POLK: variants seen among roughly 807,000 people sequenced by gnomAD.
POLK encodes the protein polymerase (DNA directed) kappa.
POLK carries 76 observed loss-of-function variants against 94.0 expected under a neutral mutation model. The ratio of observed to expected loss-of-function variants is 0.81; its 90% CI spans 0.67 to 0.98. The LOEUF is 0.98. Ranked by LOEUF, POLK falls within the 50% of genes least tolerant of loss-of-function variation. The probability of loss-of-function intolerance (pLI) is 0.00; values close to 1 mark genes in which losing one functional copy is unlikely to be tolerated. For missense variants in POLK, 954 were observed against 1,010.1 expected, an observed-to-expected ratio of 0.94 and a Z score of 0.75; for synonymous variants, 349 against 325.4, an observed-to-expected ratio of 1.07 and a Z score of -0.78.
rs1772393598 is a variant in POLK at position 75,585,004 on chromosome 5, T to C, written c.1226+78T>C. 5 of 868,608 alleles carry C rather than the reference T, an allele frequency of 5.8e-6. No homozygotes were observed. In the South Asian group the frequency reaches 7.6e-5, roughly 13 times the overall value. The allele number at this position is 868,608 out of a possible 1,614,324, so 53.8% of individuals were successfully genotyped here. A position where few individuals can be genotyped will look rare whatever the true frequency, so the allele number is the denominator to read the frequency against. ...AGTTTTAACCATTGAGATGAGGCTA[T>C]ATGGATAACATGTTTTAAAATTCTT... On this transcript the variant is annotated intron_variant, in intron 9 of 14. Coordinates refer to ENST00000241436, the Ensembl canonical transcript of POLK.
intron 1 of POLK, 49 bp downstream of exon 1, chr5:75,511,963 C>T (rs2112498497): frequency 2.8e-6 from 2 of 712,114 alleles, no homozygotes; most frequent in East Asian, 3.0e-5. Flanking sequence ...CCTTGTCAGT[C>T]GGTGGGTGGG....
rs139053995 is a variant in POLK at position 75,559,380 on chromosome 5, C to T, written c.255+6789C>T. The stretch of plus-strand genomic sequence containing the variant: ...AAAGCACAGTCATTTTTGTAACTGA[C>T]AAATTGTTGTATAAGAACATGGGTT... On this transcript the variant is annotated intron_variant, in intron 3 of 14. Coordinates refer to ENST00000241436, the Ensembl canonical transcript of POLK. Among the ~76,000 whole-genome samples the T allele has an allele frequency of 5.9e-5, 9 of 152,108 alleles. No individual in the cohort carries two copies. In the East Asian group the frequency reaches 1.7e-3, roughly 29 times the overall value.
chr5:75,536,086 G>T (rs962033437), intron 1 of POLK, among the ~76,000 whole-genome samples: 1 of 152,114 alleles, frequency 6.6e-6, no homozygotes, highest in South Asian at 2.1e-4. Context: ...TATTCCTTCA[G>T]TTTTTGATGT....
At chr5:75,588,314 C>G (rs1157287478) in intron 10 of POLK, among the ~76,000 whole-genome samples, 1 of 152,058 alleles carries the variant, frequency 6.6e-6, no homozygotes, top group Non-Finnish European at 1.5e-5. Context: ...CACAAACTAA[C>G]TAACTTCTCT....
At chr5:75,530,396 C>CTTTTTTTTTTTT (rs201266079) in intron 1 of POLK, among the ~76,000 whole-genome samples, 19 of 61,618 alleles carry the variant, frequency 3.1e-4, no homozygotes, top group Non-Finnish European at 3.9e-4. Flanking sequence ...TTCCCTTTTT[C>CTTTTTTTTTTTT]TTTTTTTTTT....
At chr5:75,531,248 C>A (rs1769165107) in intron 1 of POLK, among the ~76,000 whole-genome samples, 1 of 150,868 alleles carries the variant, frequency 6.6e-6, no homozygotes, top group African/African-American at 2.4e-5. Context: ...TTCTTACCAT[C>A]ATTCAAATGA....
At chr5:75,578,450 C>A (rs1282770766) in intron 6 of POLK, among the ~76,000 whole-genome samples, 3 of 152,232 alleles carry the variant, frequency 2.0e-5, no homozygotes, top group Non-Finnish European at 4.4e-5. Flanking sequence ...AGCCACCACG[C>A]CCAGCCTACT....
upstream of POLK, chr5:75,511,476 C>G (rs1275559725): frequency 6.6e-7 from 1 of 1,507,798 alleles, no homozygotes; most frequent in South Asian, 1.3e-5. Context: ...CCCTGCGTTG[C>G]GCCCGGCGCT....
chr5:75,584,112 G>T (rs1468991870), intron 8 of POLK, among the ~76,000 whole-genome samples: 5 of 152,164 alleles, frequency 3.3e-5, no homozygotes, highest in Non-Finnish European at 7.3e-5. Flanking sequence ...TTCAAGTATG[G>T]ATAGATATTC....
At chr5:75,607,285 G>A in the POLK span, among the ~76,000 whole-genome samples, 5 of 152,118 alleles carry the variant, frequency 3.3e-5, no homozygotes, top group South Asian at 1.0e-3. Flanking sequence ...TGGCCAAGAT[G>A]GTGAAACCCC....
chr5:75,561,465 A>G (rs1301785934), intron 3 of POLK, among the ~76,000 whole-genome samples: 2 of 152,076 alleles, frequency 1.3e-5, no homozygotes, highest in Non-Finnish European at 2.9e-5. Context: ...TTGCCTGTTC[A>G]CTCTGCTGAT....
chr5:75,569,484 A>C, exon 4 of POLK: 1 of 1,610,356 alleles, frequency 6.2e-7, no homozygotes, highest in East Asian at 2.2e-5. Context: ...AGGATCAATG[A>C]GTATGCTGGT....
chr5:75,546,759 G>T (rs182523283), intron 1 of POLK, among the ~76,000 whole-genome samples: 1 of 151,864 alleles, frequency 6.6e-6, no homozygotes. Flanking sequence ...TCTGCCTCCC[G>T]GGTTCAAGCA....
intron 1 of POLK, among the ~76,000 whole-genome samples, chr5:75,513,146 A>G (rs900701881): frequency 1.3e-5 from 2 of 152,214 alleles, no homozygotes; most frequent in African/African-American, 4.8e-5. Context: ...GGTTATCCCT[A>G]TCGTGGCAAT....
intron 3 of POLK, among the ~76,000 whole-genome samples, chr5:75,553,821 A>G (rs1770452633): frequency 6.6e-6 from 1 of 152,186 alleles, no homozygotes; most frequent in Non-Finnish European, 1.5e-5. Context: ...GAGTATATAC[A>G]CTAAGTTGCT....
At chr5:75,593,606 C>A (rs1441859631) in intron 11 of POLK, among the ~76,000 whole-genome samples, 1 of 152,110 alleles carries the variant, frequency 6.6e-6, no homozygotes, top group Non-Finnish European at 1.5e-5. Context: ...AATCCCAACA[C>A]TTTGGGAGGC....
rs543700812 is a variant in POLK at position 75,590,590 on chromosome 5, T to A, written c.1356+150T>A. ...TGTATTCCTATCCCCAACAGTCAGA[T>A]ACAAATCCAATTCTGACCCATATCT... On this transcript the variant is annotated intron_variant, in intron 11 of 14. Transcript: ENST00000241436. The A allele has an allele frequency of 1.2e-5, 7 of 591,520 alleles. No homozygotes were observed. The South Asian group carries it at 1.3e-4, about 11-fold the overall frequency. The allele number at this position is 591,520 out of a possible 1,614,324, so 36.6% of individuals were successfully genotyped here. A position where few individuals can be genotyped will look rare whatever the true frequency, so the allele number is the denominator to read the frequency against.
intron 3 of POLK, among the ~76,000 whole-genome samples, chr5:75,564,718 T>C (rs922201568): frequency 1.3e-5 from 2 of 152,218 alleles, no homozygotes; most frequent in Non-Finnish European, 2.9e-5. Context: ...TGGCCCCCAC[T>C]CTGTTCTGGC....
the POLK span, among the ~76,000 whole-genome samples, chr5:75,607,636 A>G: frequency 1.3e-5 from 2 of 151,914 alleles, no homozygotes; most frequent in Non-Finnish European, 2.9e-5. Context: ...GCACAGGGGG[A>G]TGGTAGAGTA....
Sources: allele counts gnomAD v4.1 joint callset (sites outside exome capture counted in the v4.1 genomes callset), GRCh38; gene constraint gnomAD v4.1.1; transcripts MANE v1.5; gene names NCBI Gene and HGNC (gene_info 2026-07-23, HGNC 2026-07-21).